Variants in ARHGAP20 observed in about 807,000 individuals in gnomAD.
ARHGAP20 encodes Rho GTPase activating protein 20, also known as rho GTPase-activating protein 20.
Under a neutral mutation model 73.7 loss-of-function variants are expected in ARHGAP20, and 34 were observed. The ratio of observed to expected loss-of-function variants is 0.46; its 90% CI spans 0.35 to 0.61. The LOEUF is 0.61. ARHGAP20 is among the 20% of genes least tolerant of loss of function. ARHGAP20 has a pLI of 0.00. For missense variants in ARHGAP20, 1,314 were observed against 1,420.9 expected (o/e 0.92, Z 1.21); for synonymous variants, 523 against 518.2 (o/e 1.01, Z -0.13).
intron 2 of ARHGAP20, among the ~76,000 whole-genome samples, chr11:110,665,620 GC>G (rs1326996638): frequency 2.6e-5 from 4 of 152,118 alleles, no homozygotes; most frequent in African/African-American, 9.7e-5. Context: ...AATCAAGGAG[GC>G]CAACTTAGAT....
chr11:110,598,606 G>C (rs989909699), intron 9 of ARHGAP20, among the ~76,000 whole-genome samples: 1 of 152,208 alleles, frequency 6.6e-6, no homozygotes, highest in African/African-American at 2.4e-5. Flanking sequence ...TGTTACACTA[G>C]AGATGTGTAT....
intron 2 of ARHGAP20, among the ~76,000 whole-genome samples, chr11:110,687,126 T>C (rs1950153772): frequency 6.9e-6 from 1 of 145,268 alleles, no homozygotes; most frequent in African/African-American, 2.6e-5. Context: ...AGACAGGGTC[T>C]GAGTGCAGTG....
intron 1 of ARHGAP20, 24 bp downstream of exon 1, chr11:110,712,103 C>T (rs1324381765): frequency 7.0e-6 from 9 of 1,289,342 alleles, no homozygotes; most frequent in Admixed American, 7.7e-5. Flanking sequence ...GCGGAGGGCA[C>T]GGGCCCCCGC....
intron 9 of ARHGAP20, among the ~76,000 whole-genome samples, chr11:110,603,574 T>C (rs74429554): frequency 0.016 from 2,506 of 152,314 alleles, 28 homozygotes; most frequent in South Asian, 0.026. Flanking sequence ...ACAGCAGATA[T>C]GTTTTTTGAG....
chr11:110,591,837 T>C (rs975510749), intron 10 of ARHGAP20, 140 bp downstream of exon 10: 3 of 874,624 alleles, frequency 3.4e-6, no homozygotes, highest in Admixed American at 2.5e-5. Context: ...GATTTTGTTA[T>C]TTGGAGGAAT....
chr11:110,583,919 T>C (rs905793833), intron 12 of ARHGAP20, among the ~76,000 whole-genome samples, 182 bp from the exon 13 acceptor site: 3 of 152,092 alleles, frequency 2.0e-5, no homozygotes, highest in African/African-American at 7.2e-5. Flanking sequence ...AAAATAGGCA[T>C]TGGGAATTTA....
intron 9 of ARHGAP20, among the ~76,000 whole-genome samples, chr11:110,606,258 A>C (rs115488045): frequency 6.6e-6 from 1 of 152,318 alleles, no homozygotes; most frequent in African/African-American, 2.4e-5. Flanking sequence ...TTACAGTACA[A>C]AGAAGGCATT....
chr11:110,604,128 C>G (rs1054955793), intron 9 of ARHGAP20, among the ~76,000 whole-genome samples: 4 of 152,136 alleles, frequency 2.6e-5, no homozygotes, highest in African/African-American at 7.2e-5. Flanking sequence ...CAATACTGAT[C>G]TGCAAAATTT....
intron 2 of ARHGAP20, among the ~76,000 whole-genome samples, chr11:110,681,474 G>A (rs769788131): frequency 6.6e-6 from 1 of 152,082 alleles, no homozygotes; most frequent in Non-Finnish European, 1.5e-5. Flanking sequence ...TACTATATCT[G>A]AAAGGTCCAC....
At chr11:110,597,033 T>C (rs565577400) in intron 9 of ARHGAP20, among the ~76,000 whole-genome samples, 28 of 150,178 alleles carry the variant, frequency 1.9e-4, no homozygotes, top group Non-Finnish European at 4.0e-4. Context: ...CAGCAAACTA[T>C]CGCCAGGACA....
intron 2 of ARHGAP20, among the ~76,000 whole-genome samples, chr11:110,635,072 T>C (rs973777224): frequency 1.3e-5 from 2 of 151,998 alleles, no homozygotes; most frequent in Non-Finnish European, 2.9e-5. Flanking sequence ...CTGGCAGCTA[T>C]AAAAAATCAG....
chr11:110,669,941 GT>G (rs1259021942), intron 2 of ARHGAP20, among the ~76,000 whole-genome samples: 1 of 152,026 alleles, frequency 6.6e-6, no homozygotes, highest in Non-Finnish European at 1.5e-5. Flanking sequence ...AAATAAAGAG[GT>G]TTTGGTATAC....
chr11:110,700,707 T>C (rs1950429375), intron 1 of ARHGAP20, among the ~76,000 whole-genome samples: 1 of 151,218 alleles, frequency 6.6e-6, no homozygotes, highest in South Asian at 2.1e-4. Flanking sequence ...TCATCTAGCA[T>C]TAGGTATATC....
intron 2 of ARHGAP20, among the ~76,000 whole-genome samples, chr11:110,641,904 A>G (rs1949085884): frequency 6.6e-6 from 1 of 152,012 alleles, no homozygotes; most frequent in Admixed American, 6.6e-5. Flanking sequence ...TTTGAATTCA[A>G]GTTACTCAGA....
intron 4 of ARHGAP20, among the ~76,000 whole-genome samples, chr11:110,623,368 C>T (rs1351069656): frequency 6.6e-6 from 1 of 152,172 alleles, no homozygotes; most frequent in African/African-American, 2.4e-5. Context: ...TTCAAAATCA[C>T]AGGTGTGATT....
chr11:110,596,783 G>A (rs546804775), intron 9 of ARHGAP20, among the ~76,000 whole-genome samples: 126 of 152,228 alleles, frequency 8.3e-4, no homozygotes, highest in Middle Eastern at 3.4e-3. Flanking sequence ...CAGTAATCCC[G>A]TTACTGGGTA....
chr11:110,685,217 T>C (rs899395971), intron 2 of ARHGAP20, among the ~76,000 whole-genome samples: 3 of 152,170 alleles, frequency 2.0e-5, no homozygotes, highest in Admixed American at 1.3e-4. Flanking sequence ...ACAAATAACA[T>C]ATTTCAACAC....
intron 1 of ARHGAP20, among the ~76,000 whole-genome samples, chr11:110,700,269 T>C (rs928215163): frequency 1.3e-5 from 2 of 152,080 alleles, no homozygotes; most frequent in Admixed American, 1.3e-4. Flanking sequence ...GAATTATGGA[T>C]GCTGAAGTCA....
intron 1 of ARHGAP20, among the ~76,000 whole-genome samples, chr11:110,707,413 G>C (rs1323324773): frequency 6.6e-6 from 1 of 151,988 alleles, no homozygotes. Flanking sequence ...TTACATTTTA[G>C]AATTCAATTT....
Sources: allele counts gnomAD v4.1 joint callset (sites outside exome capture counted in the v4.1 genomes callset), GRCh38; gene constraint gnomAD v4.1.1; transcripts MANE v1.5; gene names NCBI Gene and HGNC (gene_info 2026-07-23, HGNC 2026-07-21).